WDR49: variants seen among roughly 807,000 people sequenced by gnomAD.
WDR49 encodes cilia- and flagella-associated protein 337.
WDR49 carries 107 observed loss-of-function variants against 119.5 expected under a neutral mutation model. The observed-to-expected ratio is 0.90, with a 90% CI of 0.77 to 1.05. The LOEUF (loss-of-function observed/expected upper bound fraction) is 1.05. Among genes scored for constraint, WDR49 ranks in the 50% least tolerant of loss-of-function variants. The pLI is 0.00. For missense variants in WDR49, 1,240 were observed against 1,220.5 expected (o/e 1.02, Z -0.24); for synonymous variants, 425 against 418.8 (o/e 1.01, Z -0.18).
intron 17 of WDR49, among the ~76,000 whole-genome samples, chr3:167,501,865 C>T (rs1162480671): frequency 6.6e-6 from 1 of 152,084 alleles, no homozygotes. Context: ...TTCTTAAATA[C>T]TTAAGGGAAA....
At chr3:167,629,829 G>T (rs1036097852) in intron 2 of WDR49, among the ~76,000 whole-genome samples, 2 of 152,060 alleles carry the variant, frequency 1.3e-5, no homozygotes, top group Non-Finnish European at 2.9e-5. Context: ...AAGAGAACTC[G>T]AATTAGAAGT....
At chr3:167,506,007 T>G (rs982535093) in intron 16 of WDR49, among the ~76,000 whole-genome samples, 4 of 152,248 alleles carry the variant, frequency 2.6e-5, no homozygotes, top group African/African-American at 9.7e-5. Flanking sequence ...CAAATCTATT[T>G]AAAATTCACT....
intron 6 of WDR49, among the ~76,000 whole-genome samples, chr3:167,603,234 G>C (rs546032511): frequency 6.6e-6 from 1 of 152,008 alleles, no homozygotes; most frequent in East Asian, 1.9e-4. Context: ...CTTAGGGCCA[G>C]TTGTGGAGCT....
chr3:167,511,419 G>A (rs564176649), intron 16 of WDR49, among the ~76,000 whole-genome samples: 2 of 152,226 alleles, frequency 1.3e-5, no homozygotes, highest in East Asian at 1.9e-4. Flanking sequence ...GTCTACCGAC[G>A]CCTATATAAT....
intron 16 of WDR49, among the ~76,000 whole-genome samples, chr3:167,519,721 A>G (rs778133209): frequency 6.6e-6 from 1 of 152,154 alleles, no homozygotes; most frequent in Non-Finnish European, 1.5e-5. Context: ...CAATAGGTGC[A>G]GCAAACCTCC....
At chr3:167,485,755 A>G (rs1750896744) in intron 18 of WDR49, among the ~76,000 whole-genome samples, 1 of 152,184 alleles carries the variant, frequency 6.6e-6, no homozygotes, top group Non-Finnish European at 1.5e-5. Context: ...CTATGAGATT[A>G]TATAAAGAGA....
chr3:167,646,510 G>A lies in WDR49; in HGVS notation c.165+6751C>T, dbSNP rs547622225. ...AAGTCATGAGAAAGGGTTCGAAGCAGCATTGTCCAATGGAACTTTCTGCAA... is the reference window on the plus strand; with the variant it reads ...AAGTCATGAGAAAGGGTTCGAAGCAACATTGTCCAATGGAACTTTCTGCAA... On this transcript the variant is annotated intron_variant, in intron 2 of 18. Coordinates refer to ENST00000682715, the MANE Select transcript of WDR49 (RefSeq NM_001366157.1). Among the ~76,000 whole-genome samples, 19 of 152,266 alleles carry A rather than the reference G, an allele frequency of 1.2e-4. No individual in the cohort carries two copies. In the East Asian group the frequency reaches 3.5e-3, roughly 28 times the overall value.
intron 5 of WDR49, among the ~76,000 whole-genome samples, chr3:167,612,944 A>C (rs1261510888): frequency 1.3e-5 from 2 of 152,200 alleles, no homozygotes; most frequent in Non-Finnish European, 2.9e-5. Context: ...GGATTGTTAC[A>C]AAAAAATTTA....
At chr3:167,645,672 T>G (rs1380905780) in intron 2 of WDR49, among the ~76,000 whole-genome samples, 1 of 152,204 alleles carries the variant, frequency 6.6e-6, no homozygotes, top group East Asian at 1.9e-4. Flanking sequence ...CTCCAGTTGT[T>G]TCTCCACCAC....
At chr3:167,508,079 C>G (rs1751841311) in intron 16 of WDR49, among the ~76,000 whole-genome samples, 1 of 152,180 alleles carries the variant, frequency 6.6e-6, no homozygotes, top group South Asian at 2.1e-4. Flanking sequence ...AGGAAAGGCT[C>G]TAACTAATCT....
At chr3:167,507,870 T>C (rs980405812) in intron 16 of WDR49, among the ~76,000 whole-genome samples, 1 of 152,206 alleles carries the variant, frequency 6.6e-6, no homozygotes, top group African/African-American at 2.4e-5. Flanking sequence ...GCAGGAGTGG[T>C]TACTCTGAAA....
At chr3:167,537,286 C>T (rs1711520649) in intron 10 of WDR49, among the ~76,000 whole-genome samples, 1 of 152,138 alleles carries the variant, frequency 6.6e-6, no homozygotes, top group African/African-American at 2.4e-5. Context: ...TATCCATCAC[C>T]ACGACCCTAA....
intron 16 of WDR49, among the ~76,000 whole-genome samples, chr3:167,515,112 C>T (rs1320530324): frequency 6.6e-6 from 1 of 152,144 alleles, no homozygotes; most frequent in Non-Finnish European, 1.5e-5. Context: ...AAAGGAGTGA[C>T]TCTTCCCTCA....
intron 2 of WDR49, among the ~76,000 whole-genome samples, chr3:167,629,348 G>A (rs1400737244): frequency 6.6e-6 from 1 of 152,036 alleles, no homozygotes; most frequent in African/African-American, 2.4e-5. Flanking sequence ...ATACAGTGTG[G>A]TTTAATGAAG....
intron 18 of WDR49, among the ~76,000 whole-genome samples, chr3:167,486,593 G>A (rs1577190390): frequency 6.6e-6 from 1 of 152,156 alleles, no homozygotes; most frequent in East Asian, 1.9e-4. Flanking sequence ...AAAAAGAGCA[G>A]GGGTCCCTAT....
At chr3:167,485,394 A>G (rs1440114647) in intron 18 of WDR49, among the ~76,000 whole-genome samples, 1 of 150,594 alleles carries the variant, frequency 6.6e-6, no homozygotes, top group African/African-American at 2.5e-5. Flanking sequence ...ATAAAAGTTG[A>G]AAAAAAAGAA....
At chr3:167,515,565 T>A (rs1419898125) in intron 16 of WDR49, among the ~76,000 whole-genome samples, 1 of 152,136 alleles carries the variant, frequency 6.6e-6, no homozygotes, top group African/African-American at 2.4e-5. Context: ...GCATTCCCCT[T>A]GAAAACCGGC....
chr3:167,641,330 C>G (rs944089000), intron 2 of WDR49, among the ~76,000 whole-genome samples: 1 of 151,936 alleles, frequency 6.6e-6, no homozygotes, highest in Non-Finnish European at 1.5e-5. Flanking sequence ...CTCAGCAACA[C>G]TTCTGATCAC....
rs541053352 is a variant in WDR49, at chr3:167,621,453, C to A, written c.783+14G>T. The A allele has an allele frequency of 1.4e-5, 21 of 1,508,546 alleles. No homozygotes were observed. In the South Asian group the frequency reaches 2.6e-4, roughly 19 times the overall value. The allele number at this position is 1,508,546 out of a possible 1,614,324, so 93.4% of individuals were successfully genotyped here. ...TAAATCCATAGTATTCAATCTTAAT[C>A]TACCCTCACTTACCTTTCCAGTTAT... On this transcript the variant is annotated intron_variant, in intron 4 of 18. Coordinates refer to ENST00000682715, the MANE Select transcript of WDR49 (RefSeq NM_001366157.1).
Sources: gnomAD v4.1 joint callset for allele counts (sites outside exome capture counted in the v4.1 genomes callset) on GRCh38, gnomAD v4.1.1 for gene constraint, MANE v1.5 for transcripts, NCBI Gene and HGNC (gene_info 2026-07-23, HGNC 2026-07-21) for gene names.